The following DSCAM variants were observed in gnomAD, a reference collection of about 807,000 sequenced individuals.
DSCAM encodes cell adhesion molecule DSCAM.
In DSCAM, 47 loss-of-function variants were observed where a neutral mutation model predicts 217.7. The ratio of observed to expected loss-of-function variants is 0.22; its 90% confidence interval spans 0.17 to 0.28. The LOEUF is 0.28. DSCAM is among the 10% of genes least tolerant of loss of function. DSCAM has a pLI of 1.00. For synonymous variants in DSCAM, 1,056 were observed against 1,015.3 expected (o/e 1.04, Z -0.76); for missense variants, 2,080 against 2,618.3 (o/e 0.79, Z 4.49).
intron 1 of DSCAM, among the ~76,000 whole-genome samples, chr21:40,793,544 G>T (rs184921738): frequency 3.0e-4 from 46 of 152,262 alleles, no homozygotes; most frequent in Non-Finnish European, 2.5e-4. Flanking sequence ...AGGCTAGAGT[G>T]CAGTGGTGTG....
chr21:40,447,115 C>G (rs1007623288), intron 3 of DSCAM, among the ~76,000 whole-genome samples: 2 of 152,150 alleles, frequency 1.3e-5, no homozygotes, highest in African/African-American at 4.8e-5. Context: ...ACAGGGGTCA[C>G]TGTAGGGAAC....
At chr21:40,682,585 A>AAGAGAGAAAGAGAGAAAGAG (rs1555880005) in intron 3 of DSCAM, among the ~76,000 whole-genome samples, 4 of 98,320 alleles carry the variant, frequency 4.1e-5, no homozygotes, top group African/African-American at 1.2e-4. Context: ...AGAAGAGAGA[A>AAGAGAGAAAGAGAGAAAGAG]AGAGAGAGAG....
intron 1 of DSCAM, among the ~76,000 whole-genome samples, chr21:40,744,570 G>A (rs779371002): frequency 6.6e-6 from 1 of 152,166 alleles, no homozygotes; most frequent in East Asian, 1.9e-4. Flanking sequence ...TTAAGTTCCA[G>A]TGCTCACTAT....
At chr21:40,675,047 G>A (rs62226473) in intron 3 of DSCAM, among the ~76,000 whole-genome samples, 24,317 of 151,574 alleles carry the variant, frequency 0.16, 2,039 homozygotes, top group East Asian at 0.23. Context: ...GCGCACACAC[G>A]TACACACGAT....
intron 3 of DSCAM, among the ~76,000 whole-genome samples, chr21:40,482,734 T>C (rs2837654): frequency 0.2 from 30,490 of 152,148 alleles, 3,446 homozygotes; most frequent in African/African-American, 0.3. Flanking sequence ...GTTTATTTTA[T>C]ATGGAAGCCC....
At position 40,206,745 on chromosome 21, in the gene DSCAM, C is replaced by A. The variant is rs1024287969; in HGVS notation, c.2357-17507G>T. On this transcript the variant is annotated intron_variant, in intron 11 of 32. Transcript: ENST00000400454. ...GCAACATAGCAAGACCCCATCTCTA[C>A]AAAAATAAAATAATAAATAACTGAG... 3.4e-5 allele frequency among the ~76,000 whole-genome samples: 5 copies of A among 147,822 alleles called. No homozygotes were observed. In the East Asian group the frequency reaches 7.8e-4, roughly 23 times the overall value.
At chr21:40,551,017 A>G (rs1441520318) in intron 3 of DSCAM, among the ~76,000 whole-genome samples, 3 of 152,206 alleles carry the variant, frequency 2.0e-5, no homozygotes, top group Non-Finnish European at 4.4e-5. Flanking sequence ...TTCACTATGT[A>G]CAGAGAAACC....
intron 20 of DSCAM, among the ~76,000 whole-genome samples, chr21:40,121,086 A>G (rs1252061850): frequency 6.6e-6 from 1 of 152,186 alleles, no homozygotes; most frequent in Non-Finnish European, 1.5e-5. Context: ...AGAAAAAAAA[A>G]TTCAGATTTA....
At chr21:40,432,211 A>AAAAAAAATAAAT (rs1555917757) in intron 3 of DSCAM, among the ~76,000 whole-genome samples, 14 of 46,836 alleles carry the variant, frequency 3.0e-4, no homozygotes, top group Non-Finnish European at 7.7e-4. Flanking sequence ...ATAATAATAA[A>AAAAAAAATAAAT]AAATAAATAT....
chr21:40,343,843 ATTATTT>A (rs1485508033), intron 6 of DSCAM, among the ~76,000 whole-genome samples: 2 of 150,238 alleles, frequency 1.3e-5, no homozygotes, highest in Non-Finnish European at 3.0e-5. Flanking sequence ...TTTATTTATT[ATTATTT>A]TATTTCATTT....
At chr21:40,712,564 C>T (rs2090793664) in intron 1 of DSCAM, among the ~76,000 whole-genome samples, 1 of 151,220 alleles carries the variant, frequency 6.6e-6, no homozygotes, top group African/African-American at 2.4e-5. Flanking sequence ...TCAATGGGCT[C>T]ATAGCCCTAA....
Position 40,840,962 on chromosome 21 carries a change from G to A in DSCAM, c.43+5657C>T, listed in dbSNP as rs1368042822. On this transcript the variant is annotated intron_variant, in intron 1 of 32. Transcript: ENST00000400454. Reference sequence around the variant, plus strand: ...CTATTTCCACTACTCCATACCATGTGCTCTGCTCTGTGCTAAGGACACGCT... The same window carrying A: ...CTATTTCCACTACTCCATACCATGTACTCTGCTCTGTGCTAAGGACACGCT... Among the ~76,000 whole-genome samples the A allele has an allele frequency of 5.3e-5, 8 of 152,092 alleles. No homozygotes were observed. In the East Asian group the frequency reaches 1.5e-3, roughly 29 times the overall value.
At chr21:40,226,824 T>C (rs1033350733) in intron 11 of DSCAM, among the ~76,000 whole-genome samples, 4 of 152,172 alleles carry the variant, frequency 2.6e-5, no homozygotes, top group Non-Finnish European at 4.4e-5. Flanking sequence ...CGGGGGTTTG[T>C]TGTACAAATT....
chr21:40,170,747 T>G (rs537773076), intron 15 of DSCAM, among the ~76,000 whole-genome samples: 92 of 152,216 alleles, frequency 6.0e-4, no homozygotes, highest in Non-Finnish European at 1.1e-3. Context: ...TTTTTGAGTC[T>G]GACAGCTATA....
chr21:40,316,265 G>A (rs1394084616), intron 8 of DSCAM, among the ~76,000 whole-genome samples: 3 of 152,122 alleles, frequency 2.0e-5, no homozygotes, highest in Admixed American at 6.5e-5. Context: ...GGACACATTA[G>A]GTCAGTATGC....
chr21:40,536,620 A>G (rs1450852991), intron 3 of DSCAM, among the ~76,000 whole-genome samples: 6 of 151,948 alleles, frequency 3.9e-5, no homozygotes, highest in Non-Finnish European at 5.9e-5. Flanking sequence ...GTTAGCCAGG[A>G]TGGTCTCGAT....
At chr21:40,189,001 A>G (rs775861487) in intron 12 of DSCAM, 41 bp downstream of exon 12, 6 of 1,590,112 alleles carry the variant, frequency 3.8e-6, no homozygotes, top group Non-Finnish European at 5.2e-6. Flanking sequence ...TATTCTTCCA[A>G]TAAAGTTCAT....
chr21:40,216,880 C>G (rs1156593199), intron 11 of DSCAM, among the ~76,000 whole-genome samples: 2 of 152,204 alleles, frequency 1.3e-5, no homozygotes, highest in Non-Finnish European at 2.9e-5. Flanking sequence ...TGACCAATGT[C>G]TTTTCTTGGC....
intron 3 of DSCAM, among the ~76,000 whole-genome samples, chr21:40,562,740 C>T (rs935334091): frequency 1.5e-4 from 23 of 152,194 alleles, no homozygotes; most frequent in Admixed American, 4.6e-4. Context: ...AGCCAAAGCC[C>T]TGTATTTCAG....
Sources: allele counts gnomAD v4.1 joint callset (sites outside exome capture counted in the v4.1 genomes callset), GRCh38; gene constraint gnomAD v4.1.1; transcripts MANE v1.5; gene names NCBI Gene and HGNC (gene_info 2026-07-23, HGNC 2026-07-21).